CCSER1: variants seen among roughly 807,000 people sequenced by gnomAD.
CCSER1 encodes serine-rich coiled-coil domain-containing protein 1.
CCSER1 carries 41 observed loss-of-function variants against 82.0 expected under a neutral mutation model. The observed-to-expected ratio is 0.50, with a 90% CI of 0.39 to 0.65. CCSER1 has a LOEUF of 0.65. Among genes scored for constraint, CCSER1 ranks in the 30% least tolerant of loss-of-function variants. The pLI is 0.00. For missense variants in CCSER1, 1,119 were observed against 1,064.2 expected (o/e 1.05, Z -0.72); for synonymous variants, 414 against 383.9 (o/e 1.08, Z -0.92).
At chr4:90,919,089 T>TA (rs71596538) in intron 8 of CCSER1, among the ~76,000 whole-genome samples, 11,344 of 86,932 alleles carry the variant, frequency 0.13, 767 homozygotes, top group East Asian at 0.33. Context: ...GTTTCCACAG[T>TA]AAAAAAAAAA....
intron 7 of CCSER1, among the ~76,000 whole-genome samples, chr4:90,763,145 A>G (rs529537904): frequency 6.6e-6 from 1 of 152,196 alleles, no homozygotes; most frequent in East Asian, 1.9e-4. Flanking sequence ...ACAACTCTCT[A>G]TAGTGAGAAT....
chr4:90,320,345 T>C (rs1258064084), intron 3 of CCSER1, among the ~76,000 whole-genome samples: 1 of 152,236 alleles, frequency 6.6e-6, no homozygotes, highest in African/African-American at 2.4e-5. Flanking sequence ...TTTTAACTTA[T>C]TATTCAAATA....
At chr4:90,256,976 G>GA (rs1723421379) in intron 1 of CCSER1, among the ~76,000 whole-genome samples, 1 of 151,722 alleles carries the variant, frequency 6.6e-6, no homozygotes, top group African/African-American at 2.4e-5. Context: ...GTATGTATAA[G>GA]AAAATACATA....
chr4:90,477,882 G>C (rs1052558186), intron 5 of CCSER1, among the ~76,000 whole-genome samples: 5 of 150,816 alleles, frequency 3.3e-5, no homozygotes, highest in Non-Finnish European at 7.4e-5. Context: ...CATATTTACT[G>C]TTAATATTTT....
intron 10 of CCSER1, among the ~76,000 whole-genome samples, chr4:91,349,129 T>G (rs550066925): frequency 0.018 from 2,698 of 152,124 alleles, 66 homozygotes; most frequent in African/African-American, 0.061. Context: ...GGATGGTCTT[T>G]ATCTCCTGAC....
At chr4:90,929,104 G>T (rs1455063507) in intron 9 of CCSER1, among the ~76,000 whole-genome samples, 1 of 151,926 alleles carries the variant, frequency 6.6e-6, no homozygotes, top group Non-Finnish European at 1.5e-5. Flanking sequence ...TCTTCTTCCA[G>T]AGCAGAGTTG....
chr4:90,156,238 C>G (rs1320673341), intron 1 of CCSER1, among the ~76,000 whole-genome samples: 1 of 152,062 alleles, frequency 6.6e-6, no homozygotes, highest in Non-Finnish European at 1.5e-5. Context: ...GTCTGAGAGA[C>G]AGTTTGTTAT....
rs1171888544 is a variant in CCSER1, at chr4:90,309,163, C to G, written c.879C>G (p.Thr293=). The change falls in exon 2 of 11, where the codon ACC becomes ACG. Residue 293 remains threonine (T), a synonymous_variant. Transcript: ENST00000509176. The part of the protein sequence containing the change: ...HCDNFGHNDS[T]SQMSLNSAAV... The stretch of plus-strand genomic sequence containing the variant: ...ACAACTTTGGCCACAATGATTCTAC[C>G]TCTCAGATGTCCCTCAATTCTGCTG... 6.2e-7 allele frequency: 1 copy of G among 1,613,904 alleles called. No homozygotes were observed. Among genetic ancestry groups the G allele is most frequent in the East Asian group, 2.2e-5 (1 of 44,878 alleles).
intron 5 of CCSER1, among the ~76,000 whole-genome samples, chr4:90,537,584 C>T (rs1320823181): frequency 2.0e-5 from 3 of 152,036 alleles, no homozygotes; most frequent in Non-Finnish European, 4.4e-5. Context: ...TTTAATCCTG[C>T]ATTGTGTTTT....
intron 1 of CCSER1, among the ~76,000 whole-genome samples, chr4:90,221,283 G>A (rs114049429): frequency 0.012 from 1,795 of 152,198 alleles, 43 homozygotes; most frequent in African/African-American, 0.041. Context: ...AAGAGGTTAT[G>A]TTCTCTTGAT....
At chr4:91,531,605 A>G (rs1339233849) in intron 10 of CCSER1, among the ~76,000 whole-genome samples, 1 of 152,176 alleles carries the variant, frequency 6.6e-6, no homozygotes, top group Admixed American at 6.5e-5. Context: ...CTATAACACA[A>G]TGCCTTAGAC....
intron 5 of CCSER1, among the ~76,000 whole-genome samples, chr4:90,560,073 G>T (rs777774604): frequency 4.6e-5 from 7 of 151,980 alleles, no homozygotes; most frequent in Admixed American, 2.6e-4. Flanking sequence ...ACTTATCCTG[G>T]CATAAAAAGA....
chr4:91,517,766 GTGTGTGTGTGTGTGTGTGTT>G (rs1301987447), intron 10 of CCSER1, among the ~76,000 whole-genome samples: 2 of 139,516 alleles, frequency 1.4e-5, no homozygotes, highest in East Asian at 2.1e-4. Flanking sequence ...GTGTGTGTGT[GTGTGTGTGTGTGTGTGTGTT>G]TAACTTTGAT....
intron 1 of CCSER1, among the ~76,000 whole-genome samples, chr4:90,298,178 A>G (rs1732370457): frequency 6.6e-6 from 1 of 151,872 alleles, no homozygotes; most frequent in East Asian, 1.9e-4. Flanking sequence ...AGCTCCTGTT[A>G]TTGGTCTATT....
intron 5 of CCSER1, among the ~76,000 whole-genome samples, chr4:90,476,030 G>A (rs1188128444): frequency 6.8e-6 from 1 of 148,120 alleles, no homozygotes; most frequent in Non-Finnish European, 1.5e-5. Flanking sequence ...TCGTGTGTGT[G>A]TGTGTGTGTG....
intron 3 of CCSER1, among the ~76,000 whole-genome samples, chr4:90,351,463 C>A (rs1454954768): frequency 6.6e-6 from 1 of 152,044 alleles, no homozygotes; most frequent in Non-Finnish European, 1.5e-5. Flanking sequence ...AAAGATATTT[C>A]TAATGATACC....
intron 5 of CCSER1, among the ~76,000 whole-genome samples, chr4:90,619,062 A>G (rs1021564474): frequency 1.2e-4 from 18 of 151,874 alleles, no homozygotes; most frequent in African/African-American, 4.3e-4. Flanking sequence ...AATGTTAAAT[A>G]GAATATTTAA....
intron 1 of CCSER1, among the ~76,000 whole-genome samples, chr4:90,166,461 T>G (rs1730473851): frequency 2.0e-5 from 3 of 151,986 alleles, no homozygotes; most frequent in Non-Finnish European, 4.4e-5. Context: ...TGACATAATT[T>G]TTTTTGGAAA....
At chr4:91,485,531 C>T (rs1246622779) in intron 10 of CCSER1, among the ~76,000 whole-genome samples, 2 of 152,104 alleles carry the variant, frequency 1.3e-5, no homozygotes, top group Non-Finnish European at 2.9e-5. Context: ...CGGTTGAATA[C>T]TCTCCTGCCT....
Sources: gnomAD v4.1 joint callset for allele counts (sites outside exome capture counted in the v4.1 genomes callset) on GRCh38, gnomAD v4.1.1 for gene constraint, MANE v1.5 for transcripts, NCBI Gene and HGNC (gene_info 2026-07-23, HGNC 2026-07-21) for gene names.